Variants in NOS1AP observed in about 807,000 individuals in gnomAD.
The protein encoded by NOS1AP is nitric oxide synthase 1 adaptor protein.
NOS1AP carries 21 observed loss-of-function variants against 56.2 expected under a neutral mutation model. The observed-to-expected ratio is 0.37, with a 90% CI of 0.26 to 0.54. The LOEUF is 0.54. Among genes scored for constraint, NOS1AP ranks in the 20% least tolerant of loss-of-function variants. The pLI is 0.84. For synonymous variants in NOS1AP, 270 were observed against 274.6 expected, an observed-to-expected ratio of 0.98 and a Z score of 0.17; for missense variants, 522 against 657.8, an observed-to-expected ratio of 0.79 and a Z score of 2.26.
chr1:162,170,904 A>T (rs1460138284), intron 2 of NOS1AP, among the ~76,000 whole-genome samples: 2 of 151,440 alleles, frequency 1.3e-5, no homozygotes, highest in African/African-American at 4.9e-5. Flanking sequence ...GTGCCATTGC[A>T]CTCTAACCTG....
At chr1:162,074,205 A>C (rs79286147) in intron 1 of NOS1AP, among the ~76,000 whole-genome samples, 4,881 of 152,190 alleles carry the variant, frequency 0.032, 253 homozygotes, top group African/African-American at 0.11. Context: ...AGAGTTGCAA[A>C]TTGGTGTATC....
At chr1:162,183,548 A>C (rs1365764129) in intron 2 of NOS1AP, among the ~76,000 whole-genome samples, 2 of 152,218 alleles carry the variant, frequency 1.3e-5, no homozygotes, top group African/African-American at 2.4e-5. Flanking sequence ...TCACATTGAA[A>C]ATCTGTTGTT....
chr1:162,232,553 T>A (rs1025372747), intron 2 of NOS1AP, among the ~76,000 whole-genome samples: 6 of 150,868 alleles, frequency 4.0e-5, no homozygotes, highest in Non-Finnish European at 7.4e-5. Context: ...TGTGTGTGTG[T>A]CTAAGTGTGT....
At chr1:162,301,943 G>A (rs928467451) in intron 4 of NOS1AP, among the ~76,000 whole-genome samples, 3 of 152,224 alleles carry the variant, frequency 2.0e-5, no homozygotes, top group Non-Finnish European at 4.4e-5. Flanking sequence ...ATGTGCAGGT[G>A]TGAAATACTC....
intron 2 of NOS1AP, among the ~76,000 whole-genome samples, chr1:162,186,063 T>C (rs1651421727): frequency 6.6e-6 from 1 of 152,250 alleles, no homozygotes; most frequent in African/African-American, 2.4e-5. Context: ...ATATATTTTT[T>C]GTAAATGTTA....
chr1:162,272,292 C>A (rs1476493309), intron 2 of NOS1AP, among the ~76,000 whole-genome samples: 1 of 152,178 alleles, frequency 6.6e-6, no homozygotes, highest in Non-Finnish European at 1.5e-5. Flanking sequence ...TAACATTTAT[C>A]CCACAACAAC....
intron 1 of NOS1AP, among the ~76,000 whole-genome samples, chr1:162,132,715 T>C (rs545787061): frequency 1.5e-4 from 23 of 152,360 alleles, no homozygotes; most frequent in African/African-American, 5.5e-4. Flanking sequence ...TAGGAATCTA[T>C]AGCATAGCTT....
chr1:162,069,979 G>C lies in NOS1AP; in HGVS notation c.-199G>C, dbSNP rs1691624690. On this transcript the variant is annotated 5_prime_UTR_variant, in exon 1 of 10. Coordinates refer to ENST00000361897, the MANE Select transcript of NOS1AP (RefSeq NM_014697.3). ...GACCACAGCGCCGCTCGCGTCGCCC[G>C]CATCAGCTCAGCCCGCTGCCGCTCG... 1 of 296,548 alleles carries C rather than the reference G, an allele frequency of 3.4e-6. No homozygotes were observed. The highest frequency in any genetic ancestry group is 5.3e-5 in the Admixed American group (1 of 18,874). The allele number at this position is 296,548 out of a possible 1,614,324, so 18.4% of individuals were successfully genotyped here.
intron 2 of NOS1AP, among the ~76,000 whole-genome samples, chr1:162,238,529 G>A (rs1248078575): frequency 6.6e-6 from 1 of 152,064 alleles, no homozygotes; most frequent in Non-Finnish European, 1.5e-5. Flanking sequence ...CCCTCCATTA[G>A]GGCTGAATGC....
At chr1:162,230,058 G>C (rs779156182) in intron 2 of NOS1AP, among the ~76,000 whole-genome samples, 1 of 152,178 alleles carries the variant, frequency 6.6e-6, no homozygotes, top group Non-Finnish European at 1.5e-5. Flanking sequence ...TGTGTCCCTA[G>C]GGCTGAGTGA....
intron 2 of NOS1AP, among the ~76,000 whole-genome samples, chr1:162,155,225 C>CATATAT (rs1210180504): frequency 4.4e-5 from 3 of 67,694 alleles, no homozygotes; most frequent in Non-Finnish European, 1.3e-4. Context: ...AGCCTTTATA[C>CATATAT]ATATATATAT....
intron 1 of NOS1AP, among the ~76,000 whole-genome samples, chr1:162,151,853 G>C (rs1289185570): frequency 6.6e-6 from 1 of 152,014 alleles, no homozygotes; most frequent in Non-Finnish European, 1.5e-5. Flanking sequence ...TGTGTGGCAT[G>C]TGGGGTGTGC....
intron 4 of NOS1AP, among the ~76,000 whole-genome samples, chr1:162,311,755 C>T (rs868212802): frequency 6.9e-6 from 1 of 145,812 alleles, no homozygotes; most frequent in Non-Finnish European, 1.5e-5. Flanking sequence ...ACAACAGTCA[C>T]CAGAGTGTAA....
chr1:162,084,284 A>G (rs1691957716), intron 1 of NOS1AP, among the ~76,000 whole-genome samples: 1 of 151,996 alleles, frequency 6.6e-6, no homozygotes, highest in Admixed American at 6.6e-5. Context: ...TGAGCTTTGG[A>G]TCTTATTTAG....
At chr1:162,132,362 G>A (rs1479651572) in intron 1 of NOS1AP, among the ~76,000 whole-genome samples, 2 of 152,228 alleles carry the variant, frequency 1.3e-5, no homozygotes, top group African/African-American at 2.4e-5. Flanking sequence ...TTTACATCTG[G>A]AGAGATTAGA....
intron 6 of NOS1AP, among the ~76,000 whole-genome samples, chr1:162,348,180 A>C (rs1023767058): frequency 1.3e-5 from 2 of 152,264 alleles, no homozygotes; most frequent in Non-Finnish European, 2.9e-5. Context: ...CAAGGAGTAC[A>C]TATGTTTTAG....
chr1:162,101,332 TA>T (rs1647254424), intron 1 of NOS1AP, among the ~76,000 whole-genome samples: 3 of 152,234 alleles, frequency 2.0e-5, no homozygotes, highest in Non-Finnish European at 4.4e-5. Context: ...CTGTTTTGAT[TA>T]CTGGAGCCTT....
chr1:162,152,491 C>T (rs137954523), intron 1 of NOS1AP, among the ~76,000 whole-genome samples: 6 of 152,320 alleles, frequency 3.9e-5, no homozygotes, highest in Admixed American at 6.5e-5. Context: ...AGCTCTGGGT[C>T]GCTGTCTTGT....
At chr1:162,366,506 A>G (rs1658091205) in intron 9 of NOS1AP, among the ~76,000 whole-genome samples, 1 of 152,084 alleles carries the variant, frequency 6.6e-6, no homozygotes. Context: ...AAACCATCCC[A>G]TGAGCTCTTT....
Sources: gnomAD v4.1 joint callset for allele counts (sites outside exome capture counted in the v4.1 genomes callset) on GRCh38, gnomAD v4.1.1 for gene constraint, MANE v1.5 for transcripts, NCBI Gene and HGNC (gene_info 2026-07-23, HGNC 2026-07-21) for gene names.